PRKCG: variants seen among roughly 807,000 people sequenced by gnomAD.
The protein encoded by PRKCG is protein kinase C gamma type.
A neutral mutation model predicts 82.0 loss-of-function variants in PRKCG; 28 were observed. The ratio of observed to expected loss-of-function variants is 0.34; its 90% CI spans 0.25 to 0.47. PRKCG has a LOEUF of 0.47. PRKCG is among the 20% of genes least tolerant of loss of function. PRKCG has a pLI of 1.00. For missense variants in PRKCG, 640 were observed against 952.7 expected (o/e 0.67, Z 4.32); for synonymous variants, 383 against 376.6 (o/e 1.02, Z -0.20).
At chr19:53,894,463 T>C (rs2068703570) in intron 9 of PRKCG, among the ~76,000 whole-genome samples, 2 of 151,612 alleles carry the variant, frequency 1.3e-5, no homozygotes, top group South Asian at 4.1e-4. Context: ...TCTTTCTTTC[T>C]TTCTTTTTTT....
intron 16 of PRKCG, among the ~76,000 whole-genome samples, chr19:53,906,025 CCCTCCTCCTCCTCCTCCCTCCTCCT>C (rs2068801670): frequency 3.8e-5 from 3 of 79,606 alleles, no homozygotes; most frequent in Non-Finnish European, 7.2e-5. Flanking sequence ...CTGTCTGTCT[CCCTCCTCCTCCTCCTCCCTCCTCCT>C]CCTCCTCCTC....
At chr19:53,887,055 C>T (rs955394227) in intron 3 of PRKCG, among the ~76,000 whole-genome samples, 11 of 151,824 alleles carry the variant, frequency 7.2e-5, no homozygotes, top group African/African-American at 4.8e-5. Context: ...CTGCATCACT[C>T]GGGGGTTTTT....
rs1408002475 is a variant in PRKCG, at chr19:53,904,691, T to C, written c.1713T>C (p.Thr571=). The change falls in exon 16 of 18, where the codon ACT becomes ACC. Residue 571 remains threonine (T), a synonymous_variant. Coordinates refer to ENST00000263431, the MANE Select transcript of PRKCG (RefSeq NM_002739.5). Reference sequence around the variant, plus strand: ...TGTTTCAGGCCATCATGGAACAAACTGTCACCTACCCCAAGTCGCTTTCCC... The same window carrying C: ...TGTTTCAGGCCATCATGGAACAAACCGTCACCTACCCCAAGTCGCTTTCCC... ...EELFQAIMEQ[T]VTYPKSLSRE... 6.2e-7 allele frequency: 1 copy of C among 1,613,824 alleles called. No individual in the cohort carries two copies. Among genetic ancestry groups the C allele is most frequent in the African/African-American group, 1.3e-5 (1 of 74,886 alleles).
At chr19:53,895,360 C>T (rs970727189) in intron 9 of PRKCG, among the ~76,000 whole-genome samples, 1 of 151,592 alleles carries the variant, frequency 6.6e-6, no homozygotes, top group Non-Finnish European at 1.5e-5. Context: ...ATGGTGGAGG[C>T]GCCTGTAATC....
intron 14 of PRKCG, among the ~76,000 whole-genome samples, chr19:53,902,394 A>G (rs143163368): frequency 6.6e-6 from 1 of 152,322 alleles, no homozygotes; most frequent in East Asian, 1.9e-4. Context: ...ATCCTGGGCT[A>G]CAGAGTGAGA....
At position 53,882,708 on chromosome 19, in the gene PRKCG, G is replaced by T; in HGVS notation, c.170+44G>T. ...GGGACTGGGGGACGAGGGGACTAGG[G>T]GTGCAGACTCCTATCACGCCGACCC... is the stretch of plus-strand genomic sequence containing the variant. On this transcript the variant is annotated intron_variant, in intron 1 of 17. Transcript: ENST00000263431. This position sits in a 1 kb window ranked among gnomAD's most constrained non-coding sequence, Gnocchi z 6.1. 1 of 1,603,360 alleles carries T rather than the reference G, an allele frequency of 6.2e-7. No individual in the cohort carries two copies. Among genetic ancestry groups the T allele is most frequent in the South Asian group, 1.1e-5 (1 of 90,336 alleles).
At position 53,889,820 on chromosome 19, in the gene PRKCG, G is replaced by A; in HGVS notation, c.398-66G>A. The A allele has an allele frequency of 6.3e-7, 1 of 1,575,734 alleles. No homozygotes were observed. The highest frequency in any genetic ancestry group is 8.6e-7 in the Non-Finnish European group (1 of 1,160,640). The stretch of plus-strand genomic sequence containing the variant: ...TGGGTTCCGGGAAATGCCCGGGATG[G>A]GGTGGGGGGTGGAGTCTTGGCTTGG... On this transcript the variant is annotated intron_variant, in intron 4 of 17. Transcript: ENST00000263431. This position sits in a 1 kb window ranked among gnomAD's most constrained non-coding sequence, Gnocchi z 4.4.
rs141380971 is a variant in PRKCG, at chr19:53,900,265, C to G, written c.1314C>G (p.Thr438=). ...DRLYFVMEYV[T]GGDLMYHIQQ... ...TGTATTTCGTGATGGAGTACGTCACCGGGGGAGACTTGATGTACCACATTC... is the reference window on the plus strand; with the variant it reads ...TGTATTTCGTGATGGAGTACGTCACGGGGGGAGACTTGATGTACCACATTC... The change falls in exon 12 of 18, where the codon ACC becomes ACG. Residue 438 remains threonine, a synonymous_variant. Transcript: ENST00000263431. This position sits in a 1 kb window ranked among gnomAD's most constrained non-coding sequence, Gnocchi z 4.2. 8.1e-6 allele frequency: 13 copies of G among 1,613,960 alleles called. No individual in the cohort carries two copies. The highest frequency in any genetic ancestry group is 8.0e-5 in the African/African-American group (6 of 74,870).
At position 53,907,261 on chromosome 19, in the gene PRKCG, T is replaced by C. The variant is rs1185038973; in HGVS notation, c.*366T>C. On this transcript the variant is annotated 3_prime_UTR_variant, in exon 18 of 18. Coordinates refer to ENST00000263431, the MANE Select transcript of PRKCG (RefSeq NM_002739.5). ...CCCCCAGACCCCGCCCCTGGGGAAA[T>C]AGCCTCACGGGGTTGGCTGTTCCAG... The C allele has an allele frequency of 2.9e-6, 1 of 346,236 alleles. No individual in the cohort carries two copies. Among genetic ancestry groups the C allele is most frequent in the Non-Finnish European group, 5.5e-6 (1 of 181,344 alleles). 21.4% of individuals were successfully genotyped at this position (346,236 alleles called of 1,614,324 possible).
intron 15 of PRKCG, among the ~76,000 whole-genome samples, chr19:53,904,299 T>G (rs555607819): frequency 7.3e-5 from 11 of 151,638 alleles, no homozygotes; most frequent in African/African-American, 2.7e-4. Context: ...ACCAGGAGAA[T>G]GCTTTTAGGG....
chr19:53,907,050 G>C lies in PRKCG; in HGVS notation c.*155G>C, dbSNP rs550557352. The C allele has an allele frequency of 6.6e-7, 1 of 1,505,214 alleles. No individual in the cohort carries two copies. The highest frequency in any genetic ancestry group is 1.4e-5 in the African/African-American group (1 of 71,606). 93.2% of individuals were successfully genotyped at this position (1,505,214 alleles called of 1,614,324 possible). A position where few individuals can be genotyped will look rare whatever the true frequency, so the allele number is the denominator to read the frequency against. The stretch of plus-strand genomic sequence containing the variant: ...CGCGGGTTCTAGACGCCCCTCCCAA[G>C]CGTTCCTGGCCTTCTGAACTCCATA... On this transcript the variant is annotated 3_prime_UTR_variant, in exon 18 of 18. Coordinates refer to ENST00000263431, the MANE Select transcript of PRKCG (RefSeq NM_002739.5).
rs1388412463 is a variant in PRKCG, at chr19:53,883,414, A to T, written c.202+220A>T. ...GGGGGCCCCTCCCTCGGCCGGCTCCAGGTGGGGACAGATATTTGGAGAATC... is the reference window on the plus strand; with the variant it reads ...GGGGGCCCCTCCCTCGGCCGGCTCCTGGTGGGGACAGATATTTGGAGAATC... On this transcript the variant is annotated intron_variant, in intron 2 of 17. Transcript: ENST00000263431. This position sits in a 1 kb window ranked among gnomAD's most constrained non-coding sequence, Gnocchi z 5.4. 2.1e-5 allele frequency among the ~76,000 whole-genome samples: 3 copies of T among 143,364 alleles called. No individual in the cohort carries two copies. Among genetic ancestry groups the T allele is most frequent in the African/African-American group, 2.6e-5 (1 of 38,536 alleles). 94.1% of individuals were successfully genotyped at this position (143,364 alleles called of 152,430 possible).
chr19:53,887,590 GGA>G (rs1417090098), intron 3 of PRKCG, among the ~76,000 whole-genome samples: 1 of 150,110 alleles, frequency 6.7e-6, no homozygotes, highest in African/African-American at 2.5e-5. Context: ...CAGCTCTTTG[GGA>G]GGCTGAGGCA....
chr19:53,894,167 G>A (rs942662074), intron 9 of PRKCG, among the ~76,000 whole-genome samples: 5 of 152,106 alleles, frequency 3.3e-5, no homozygotes, highest in African/African-American at 2.4e-5. Context: ...CTGGGTTCAC[G>A]CCATTCTCCT....
At chr19:53,901,551 CA>C (rs57268943) in intron 14 of PRKCG, among the ~76,000 whole-genome samples, 3,948 of 45,752 alleles carry the variant, frequency 0.086, 130 homozygotes, top group African/African-American at 0.22. Flanking sequence ...AACTTCATCT[CA>C]AAAAAAAAAA....
At chr19:53,905,878 T>A (rs1346273877) in intron 16 of PRKCG, among the ~76,000 whole-genome samples, 9 of 146,940 alleles carry the variant, frequency 6.1e-5, no homozygotes, top group Admixed American at 6.1e-4. Context: ...ATGAATTTCA[T>A]CTGCTATCAT....
At chr19:53,887,761 C>G (rs927277097) in intron 3 of PRKCG, among the ~76,000 whole-genome samples, 5 of 144,252 alleles carry the variant, frequency 3.5e-5, no homozygotes, top group Non-Finnish European at 7.5e-5. Context: ...ACCCCGGAGG[C>G]AGAGGTTGCA....
In PRKCG at chr19:53,883,211, G is replaced by A; in HGVS notation, c.202+17G>A. Reference sequence around the variant, plus strand: ...AATGTCAAGGTAAGAGCTGGGGACCGGGGCTCCTGGGACCCTCAGGAGGGT... The same window carrying A: ...AATGTCAAGGTAAGAGCTGGGGACCAGGGCTCCTGGGACCCTCAGGAGGGT... On this transcript the variant is annotated intron_variant, in intron 2 of 17. Transcript: ENST00000263431. The surrounding 1 kb of genome is among the most constrained non-coding windows in gnomAD (Gnocchi z 5.4). 6.2e-7 allele frequency: 1 copy of A among 1,613,710 alleles called. No homozygotes were observed. Among genetic ancestry groups the A allele is most frequent in the Non-Finnish European group, 8.5e-7 (1 of 1,179,852 alleles).
Position 53,891,699 on chromosome 19 carries a change from T to A in PRKCG, c.555T>A (p.Pro185=). Residue 185 remains proline, a synonymous_variant, in exon 6 of 18, where the codon CCT becomes CCA. Transcript: ENST00000263431. ...VTVGEARNLI[P]MDPNGLSDPY... ...TTGGCGAGGCCCGTAACCTAATTCCTATGGACCCCAATGGTCTCTCTGATC... is the reference window on the plus strand; with the variant it reads ...TTGGCGAGGCCCGTAACCTAATTCCAATGGACCCCAATGGTCTCTCTGATC... The A allele has an allele frequency of 1.2e-6, 2 of 1,614,070 alleles. No homozygotes were observed. Among genetic ancestry groups the A allele is most frequent in the Non-Finnish European group, 1.7e-6 (2 of 1,180,006 alleles).
Sources: gnomAD v4.1 joint callset for allele counts (sites outside exome capture counted in the v4.1 genomes callset) on GRCh38, gnomAD v4.1.1 for gene constraint, Gnocchi (gnomAD v3.1) non-coding constraint, MANE v1.5 for transcripts, NCBI Gene and HGNC (gene_info 2026-07-23, HGNC 2026-07-21) for gene names.